The following USP31 variants were observed in gnomAD, a reference collection of about 807,000 sequenced individuals.
USP31 encodes the protein ubiquitin specific peptidase 31.
Under a neutral mutation model 119.4 loss-of-function variants are expected in USP31, and 44 were observed. The ratio of observed to expected loss-of-function variants is 0.37; its 90% confidence interval spans 0.29 to 0.47. The LOEUF is 0.47. Among genes scored for constraint, USP31 ranks in the 20% least tolerant of loss-of-function variants. The pLI, the probability that USP31 is intolerant of heterozygous loss-of-function variation, is 0.99. For synonymous variants in USP31, 749 were observed against 705.6 expected (o/e 1.06, Z -0.97); for missense variants, 1,643 against 1,730.2 (o/e 0.95, Z 0.89).
Position 23,074,890 on chromosome 16 carries a change from A to C in USP31, c.2177-1010T>G, listed in dbSNP as rs569962164. ...CATTATGATCACATTTTCTAAAAAT[A>C]TGCATTTATTTGGGGTGAGAATAAA... is the stretch of plus-strand genomic sequence containing the variant. On this transcript the variant is annotated intron_variant, in intron 13 of 15. Coordinates refer to ENST00000219689, the MANE Select transcript of USP31 (RefSeq NM_020718.4). Among the ~76,000 whole-genome samples, 71 of 152,362 alleles carry C rather than the reference A, an allele frequency of 4.7e-4. No individual in the cohort carries two copies. In the South Asian group the frequency reaches 0.014, roughly 29 times the overall value.
intron 1 of USP31, among the ~76,000 whole-genome samples, chr16:23,127,182 C>T (rs940780930): frequency 2.0e-5 from 3 of 152,008 alleles, no homozygotes; most frequent in Non-Finnish European, 4.4e-5. Context: ...AATCCCAGCA[C>T]CTTGGGAGGC....
chr16:23,148,486 T>C (rs1304862869), intron 1 of USP31, 152 bp downstream of exon 1: 1 of 1,105,520 alleles, frequency 9.0e-7, no homozygotes, highest in East Asian at 3.2e-5. Flanking sequence ...TGAATGAATC[T>C]CCTTAAAATC....
intron 2 of USP31, 28 bp downstream of exon 2, chr16:23,108,018 A>C: frequency 1.3e-6 from 2 of 1,586,676 alleles, no homozygotes; most frequent in Admixed American, 1.8e-5. Context: ...TGGCTGGCTG[A>C]CTGCCCTAGG....
intron 1 of USP31, among the ~76,000 whole-genome samples, chr16:23,138,908 C>T (rs1426924423): frequency 6.6e-6 from 1 of 152,158 alleles, no homozygotes; most frequent in Non-Finnish European, 1.5e-5. Flanking sequence ...TATCCTATTG[C>T]AATTATTTTT....
In USP31 at chr16:23,149,377, C is replaced by T. The variant is rs1229137808; in HGVS notation, c.-107G>A. On this transcript the variant is annotated 5_prime_UTR_variant, in exon 1 of 16. Coordinates refer to ENST00000219689, the MANE Select transcript of USP31 (RefSeq NM_020718.4). The stretch of plus-strand genomic sequence containing the variant: ...CCGCGCCTCACCGGGCCCGGGGGCT[C>T]GACGCCCCACACACCTCAAAGCGCA... 12 of 986,398 alleles carry T rather than the reference C, an allele frequency of 1.2e-5. No individual in the cohort carries two copies. The highest frequency in any genetic ancestry group is 1.4e-5 in the Non-Finnish European group (12 of 831,688). 61.1% of individuals were successfully genotyped at this position (986,398 alleles called of 1,614,324 possible). A position where few individuals can be genotyped will look rare whatever the true frequency, so the allele number is the denominator to read the frequency against.
intron 6 of USP31, among the ~76,000 whole-genome samples, chr16:23,099,021 C>T (rs959464972): frequency 2.0e-5 from 3 of 152,270 alleles, no homozygotes; most frequent in Admixed American, 1.3e-4. Context: ...AAACTACCAT[C>T]AGAGTGAACA....
Position 23,135,155 on chromosome 16 carries a change from AC to A in USP31, c.633+13482del, listed in dbSNP as rs1266046491. On this transcript the variant is annotated intron_variant, in intron 1 of 15. Transcript: ENST00000219689. The stretch of plus-strand genomic sequence containing the variant: ...CATGATTTAAAAAAAAAAAAAAAAA[AC>A]ACTCAACAAATTGGGAATACAAGGA... 2.0e-3 allele frequency among the ~76,000 whole-genome samples: 284 copies of A among 144,728 alleles called. 1 individual carries two copies. Among genetic ancestry groups the A allele is most frequent in the African/African-American group, 6.8e-3 (269 of 39,454 alleles). The allele number at this position is 144,728 out of a possible 152,430, so 94.9% of individuals were successfully genotyped here. A position where few individuals can be genotyped will look rare whatever the true frequency, so the allele number is the denominator to read the frequency against.
intron 13 of USP31, among the ~76,000 whole-genome samples, chr16:23,077,264 A>T (rs1273291099): frequency 6.6e-6 from 1 of 152,262 alleles, no homozygotes; most frequent in East Asian, 1.9e-4. Flanking sequence ...CCTCTCACAA[A>T]CAATTGCTGC....
At chr16:23,102,520 C>A (rs1901925124) in intron 5 of USP31, 57 bp from the exon 6 acceptor site, 13 of 1,561,640 alleles carry the variant, frequency 8.3e-6, no homozygotes, top group Non-Finnish European at 1.1e-5. Context: ...ACTAATTGAT[C>A]TCCCAATTCT....
At chr16:23,144,115 G>A (rs1357694694) in intron 1 of USP31, among the ~76,000 whole-genome samples, 1 of 152,032 alleles carries the variant, frequency 6.6e-6, no homozygotes, top group Non-Finnish European at 1.5e-5. Context: ...CCATCTACTT[G>A]GCAAGCTCCT....
intron 2 of USP31, among the ~76,000 whole-genome samples, chr16:23,106,973 G>A (rs1031294916): frequency 6.6e-5 from 10 of 152,072 alleles, no homozygotes; most frequent in Admixed American, 5.9e-4. Context: ...TTAGCCGGCT[G>A]TGGTGGCGCA....
At position 23,107,767 on chromosome 16, in the gene USP31, G is replaced by C. The variant is rs1476630316; in HGVS notation, c.771+279C>G. On this transcript the variant is annotated intron_variant, in intron 2 of 15. Transcript: ENST00000219689. ...CATATTCTGCTTTAAAAACAGTTTA[G>C]TGAAATGGAATCACTTTTTTTAATC... 2.0e-5 allele frequency among the ~76,000 whole-genome samples: 3 copies of C among 152,158 alleles called. 1 individual carries two copies. The highest frequency in any genetic ancestry group is 7.2e-5 in the African/African-American group (3 of 41,436).
rs763315201 is a variant in USP31, at chr16:23,085,003, G to A, written c.1701-14C>T. Reference sequence around the variant, plus strand: ...TTTACAAATAAGCTGCAATTAGGGGGAAAAGCATCTATCAGGGAATGTCTT... The same window carrying A: ...TTTACAAATAAGCTGCAATTAGGGGAAAAAGCATCTATCAGGGAATGTCTT... On this transcript the variant is annotated splice_polypyrimidine_tract_variant and intron_variant, in intron 10 of 15. Coordinates refer to ENST00000219689, the MANE Select transcript of USP31 (RefSeq NM_020718.4). 17 of 1,612,788 alleles carry A rather than the reference G, an allele frequency of 1.1e-5. No individual in the cohort carries two copies. The highest frequency in any genetic ancestry group is 4.0e-5 in the African/African-American group (3 of 74,798).
chr16:23,104,378 C>G (rs903596638), intron 5 of USP31, among the ~76,000 whole-genome samples: 1 of 152,140 alleles, frequency 6.6e-6, no homozygotes. Context: ...CAATTTAAAC[C>G]ACATGCAAAA....
In USP31 at chr16:23,149,344, C is replaced by G. The variant is rs1296164705; in HGVS notation, c.-74G>C. On this transcript the variant is annotated 5_prime_UTR_variant, in exon 1 of 16. Transcript: ENST00000219689. ...GCCCCGCCACGGCCGCCGCCGCATCCCGCAGCGCCGCGCCTCACCGGGCCC... is the reference window on the plus strand; with the variant it reads ...GCCCCGCCACGGCCGCCGCCGCATCGCGCAGCGCCGCGCCTCACCGGGCCC... 1 of 998,044 alleles carries G rather than the reference C, an allele frequency of 1.0e-6. No homozygotes were observed. The highest frequency in any genetic ancestry group is 1.8e-5 in the African/African-American group (1 of 56,890). 61.8% of individuals were successfully genotyped at this position (998,044 alleles called of 1,614,324 possible). A position where few individuals can be genotyped will look rare whatever the true frequency, so the allele number is the denominator to read the frequency against.
intron 1 of USP31, among the ~76,000 whole-genome samples, chr16:23,117,087 G>T (rs1191467986): frequency 1.3e-5 from 2 of 152,092 alleles, no homozygotes; most frequent in Non-Finnish European, 2.9e-5. Context: ...CATTTCTTTT[G>T]AGCATAATGT....
intron 9 of USP31, 136 bp from the exon 10 acceptor site, chr16:23,085,798 G>GA (rs1303236131): frequency 1.3e-5 from 10 of 792,722 alleles, no homozygotes; most frequent in Non-Finnish European, 1.8e-5. Context: ...TTCCCCATCA[G>GA]AAAAAAGTTT....
intron 5 of USP31, among the ~76,000 whole-genome samples, chr16:23,104,860 G>A (rs771384384): frequency 3.2e-4 from 48 of 152,154 alleles, no homozygotes; most frequent in Non-Finnish European, 5.4e-4. Flanking sequence ...AAGTATTTTT[G>A]GTCAATTTCA....
At chr16:23,119,097 C>A (rs887434825) in intron 1 of USP31, among the ~76,000 whole-genome samples, 21 of 143,632 alleles carry the variant, frequency 1.5e-4, no homozygotes, top group African/African-American at 4.9e-4. Flanking sequence ...TATCACTCTT[C>A]TTTTTTTCTT....
Sources: gnomAD v4.1 joint callset for allele counts (sites outside exome capture counted in the v4.1 genomes callset) on GRCh38, gnomAD v4.1.1 for gene constraint, MANE v1.5 for transcripts, NCBI Gene and HGNC (gene_info 2026-07-23, HGNC 2026-07-21) for gene names.